MAML2: variants seen among roughly 807,000 people sequenced by gnomAD.
The protein encoded by MAML2 is mastermind like transcriptional coactivator 2.
In MAML2, 22 loss-of-function variants were observed where a neutral mutation model predicts 96.1. The ratio of observed to expected loss-of-function variants is 0.23; its 90% CI spans 0.16 to 0.33. The LOEUF is 0.33. Among genes scored for constraint, MAML2 ranks in the 10% least tolerant of loss-of-function variants. MAML2 has a pLI of 1.00. For missense variants in MAML2, 1,367 were observed against 1,392.4 expected (o/e 0.98, Z 0.29); for synonymous variants, 561 against 521.3 (o/e 1.08, Z -1.04).
intron 1 of MAML2, among the ~76,000 whole-genome samples, chr11:96,321,124 G>A (rs965916598): frequency 2.0e-5 from 3 of 152,154 alleles, no homozygotes; most frequent in East Asian, 1.9e-4. Context: ...CACTGGGCTC[G>A]TGACCCTGAA....
chr11:96,250,180 T>C (rs1427655556), intron 1 of MAML2, among the ~76,000 whole-genome samples: 1 of 152,196 alleles, frequency 6.6e-6, no homozygotes, highest in Non-Finnish European at 1.5e-5. Flanking sequence ...TTTATGAGTA[T>C]ACATCCATCT....
At chr11:96,206,137 A>G (rs891066948) in intron 1 of MAML2, among the ~76,000 whole-genome samples, 6 of 152,060 alleles carry the variant, frequency 3.9e-5, no homozygotes, top group African/African-American at 1.5e-4. Flanking sequence ...TCTAGAAATA[A>G]TTCCTTGATC....
intron 2 of MAML2, among the ~76,000 whole-genome samples, chr11:96,080,294 G>A (rs189659503): frequency 6.6e-6 from 1 of 152,104 alleles, no homozygotes; most frequent in Non-Finnish European, 1.5e-5. Flanking sequence ...GGCACATAAT[G>A]GTAAATACCA....
chr11:95,991,961 C>T (rs951192064), intron 2 of MAML2, among the ~76,000 whole-genome samples: 6 of 152,206 alleles, frequency 3.9e-5, no homozygotes, highest in African/African-American at 1.2e-4. Flanking sequence ...CATGAGGACT[C>T]TGATTGTGGA....
chr11:96,036,820 C>T (rs995597898), intron 2 of MAML2, among the ~76,000 whole-genome samples: 2 of 152,236 alleles, frequency 1.3e-5, no homozygotes, highest in African/African-American at 2.4e-5. Context: ...TTTCTAATTT[C>T]CAGGTGTGCT....
At chr11:96,181,396 A>T (rs183091752) in intron 1 of MAML2, among the ~76,000 whole-genome samples, 1 of 146,154 alleles carries the variant, frequency 6.8e-6, no homozygotes, top group Non-Finnish European at 1.5e-5. Context: ...CTCCAGATCG[A>T]GACTATTTTT....
At chr11:96,209,937 G>A (rs922588128) in intron 1 of MAML2, among the ~76,000 whole-genome samples, 3 of 152,016 alleles carry the variant, frequency 2.0e-5, no homozygotes, top group Admixed American at 1.3e-4. Context: ...CATACTTTAC[G>A]GTGAATGTTC....
intron 2 of MAML2, among the ~76,000 whole-genome samples, chr11:96,057,847 A>C (rs567413411): frequency 6.6e-6 from 1 of 152,354 alleles, no homozygotes; most frequent in South Asian, 2.1e-4. Context: ...CACAACTGAG[A>C]GTGATCTTTA....
intron 2 of MAML2, among the ~76,000 whole-genome samples, chr11:96,075,722 C>T (rs953706662): frequency 6.6e-6 from 1 of 152,128 alleles, no homozygotes; most frequent in African/African-American, 2.4e-5. Flanking sequence ...AAGGGGAAAC[C>T]TGACTGATGA....
chr11:96,230,631 T>C (rs1862280236), intron 1 of MAML2, among the ~76,000 whole-genome samples: 1 of 152,168 alleles, frequency 6.6e-6, no homozygotes, highest in Admixed American at 6.5e-5. Context: ...GCCTCTTGAG[T>C]TTCCTGATTT....
chr11:96,270,735 G>T (rs1334967803), intron 1 of MAML2, among the ~76,000 whole-genome samples: 1 of 152,172 alleles, frequency 6.6e-6, no homozygotes, highest in East Asian at 1.9e-4. Flanking sequence ...CCACTTCTCT[G>T]CTTAAAACCC....
chr11:96,062,270 TAGG>T (rs1041017954), intron 2 of MAML2, among the ~76,000 whole-genome samples: 7 of 152,130 alleles, frequency 4.6e-5, no homozygotes, highest in Non-Finnish European at 1.0e-4. Context: ...GCCCAGACAT[TAGG>T]AGATTTAACT....
chr11:96,339,211 AAGAG>A (rs1249755696), intron 1 of MAML2, among the ~76,000 whole-genome samples: 34 of 152,202 alleles, frequency 2.2e-4, no homozygotes, highest in Non-Finnish European at 5.0e-4. Context: ...TGGTGGTTAG[AAGAG>A]AGAAAGATTC....
intron 1 of MAML2, among the ~76,000 whole-genome samples, chr11:96,194,786 C>T (rs920058996): frequency 1.3e-5 from 2 of 148,428 alleles, no homozygotes; most frequent in East Asian, 1.9e-4. Context: ...AAGGCACCAC[C>T]GAAGGGAAAG....
chr11:96,152,930 T>C (rs998861169), intron 1 of MAML2, among the ~76,000 whole-genome samples: 1 of 152,144 alleles, frequency 6.6e-6, no homozygotes, highest in African/African-American at 2.4e-5. Context: ...TCTATCTCTC[T>C]CAAGGTGGAG....
Position 96,019,670 on chromosome 11 carries a change from G to C in MAML2, c.2140-27947C>G, listed in dbSNP as rs530651815. 5.6e-4 allele frequency among the ~76,000 whole-genome samples: 30 copies of C among 53,250 alleles called. 1 individual carries two copies. In the East Asian group the frequency reaches 0.018, roughly 33 times the overall value. The allele number at this position is 53,250 out of a possible 152,430, so 34.9% of individuals were successfully genotyped here. A position where few individuals can be genotyped will look rare whatever the true frequency, so the allele number is the denominator to read the frequency against. On this transcript the variant is annotated intron_variant, in intron 2 of 4. Coordinates refer to ENST00000524717, the MANE Select transcript of MAML2 (RefSeq NM_032427.4). ...ATTTTAGCCATTTCAGCAGCCAAGG[G>C]CTGATAATAATAATTATAATAATAA...
At chr11:96,328,486 GA>G (rs200299371) in intron 1 of MAML2, among the ~76,000 whole-genome samples, 1 of 147,946 alleles carries the variant, frequency 6.8e-6, no homozygotes. Context: ...CTCTGTTGTT[GA>G]AAAAAAAAAT....
At chr11:96,121,873 G>A (rs1361761085) in intron 1 of MAML2, among the ~76,000 whole-genome samples, 187 of 131,056 alleles carry the variant, frequency 1.4e-3, no homozygotes, top group African/African-American at 4.9e-3. Context: ...TGCAAGCTCC[G>A]CCTCCCGGGT....
intron 2 of MAML2, among the ~76,000 whole-genome samples, chr11:96,080,048 A>G (rs1859508047): frequency 6.6e-6 from 1 of 152,138 alleles, no homozygotes; most frequent in Non-Finnish European, 1.5e-5. Context: ...TAGGTATATG[A>G]CCCCTGGATA....
Sources: gnomAD v4.1 joint callset for allele counts (sites outside exome capture counted in the v4.1 genomes callset) on GRCh38, gnomAD v4.1.1 for gene constraint, MANE v1.5 for transcripts, NCBI Gene and HGNC (gene_info 2026-07-23, HGNC 2026-07-21) for gene names.